The following SHQ1 variants were observed in gnomAD, a reference collection of about 807,000 sequenced individuals.
SHQ1 encodes the protein protein SHQ1 homolog.
Under a neutral mutation model 53.8 loss-of-function variants are expected in SHQ1, and 49 were observed. The observed-to-expected ratio is 0.91, with a 90% confidence interval of 0.72 to 1.16. The LOEUF is 1.16. Among genes scored for constraint, SHQ1 ranks in the 50% most tolerant of loss-of-function variants. The pLI is 0.00. For missense variants in SHQ1, 738 were observed against 683.1 expected (o/e 1.08, Z -0.90); for synonymous variants, 243 against 251.0 (o/e 0.97, Z 0.30).
At chr3:72,741,975 G>A in the SHQ1 span, among the ~76,000 whole-genome samples, 1 of 152,010 alleles carries the variant, frequency 6.6e-6, no homozygotes, top group Non-Finnish European at 1.5e-5. Context: ...TTTTATATAA[G>A]GGACTTGCAC....
chr3:72,841,073 A>T lies in SHQ1; in HGVS notation c.458T>A (p.Leu153Ter), dbSNP rs750531373. ...TAACCGTTGCAACACTCCTGATCGT[A>T]AGTTTCCAAATCCATAGTGGCACTG... Reference protein sequence around the residue: ...NPQCHYGFGNLRSGVLQRLQD... With the variant: ...NPQCHYGFGN Residue 153 changes from leucine to a stop codon, truncating the protein, a stop_gained, in exon 4 of 11, where the codon TTA becomes TAA. Transcript: ENST00000325599. LOFTEE classifies it high-confidence loss of function. 6.2e-7 allele frequency: 1 copy of T among 1,613,870 alleles called. No individual in the cohort carries two copies. The highest frequency in any genetic ancestry group is 1.1e-5 in the South Asian group (1 of 91,002).
intron 6 of SHQ1, among the ~76,000 whole-genome samples, chr3:72,817,794 C>A (rs1440817616): frequency 1.3e-5 from 2 of 151,930 alleles, no homozygotes; most frequent in African/African-American, 4.8e-5. Flanking sequence ...TAGGAATACT[C>A]CCAGATATTA....
At chr3:72,803,141 C>T (rs1486649108) in intron 9 of SHQ1, among the ~76,000 whole-genome samples, 2 of 152,158 alleles carry the variant, frequency 1.3e-5, no homozygotes, top group East Asian at 1.9e-4. Context: ...TGGGGGCCTC[C>T]CAGGCTGACC....
At chr3:72,827,163 T>A (rs976989544) in intron 5 of SHQ1, among the ~76,000 whole-genome samples, 1 of 152,130 alleles carries the variant, frequency 6.6e-6, no homozygotes, top group Admixed American at 6.5e-5. Context: ...GACAACAGTG[T>A]CCTTCGTTGA....
intron 1 of SHQ1, among the ~76,000 whole-genome samples, chr3:72,846,749 T>C (rs896487329): frequency 6.6e-6 from 1 of 152,210 alleles, no homozygotes; most frequent in Admixed American, 6.5e-5. Flanking sequence ...CTTTAACATA[T>C]GAATTTGGGG....
At chr3:72,825,398 AC>A (rs1398107511) in intron 5 of SHQ1, among the ~76,000 whole-genome samples, 8 of 148,706 alleles carry the variant, frequency 5.4e-5, no homozygotes, top group Admixed American at 1.3e-4. Flanking sequence ...ACACACACAC[AC>A]CATTTTTGGC....
rs1372925082 is a variant in SHQ1, at chr3:72,751,496, G to GTACATATATATATATATA, written c.1182-661_1182-660insTATATATATATATATGTA. ...CACATATGTGTGTGTGTGTGTGTGT[G>GTACATATATATATATATA]TGTGTGTGTGTGTATATATATATAT... is the stretch of plus-strand genomic sequence containing the variant. On this transcript the variant is annotated intron_variant, in intron 10 of 10. Coordinates refer to ENST00000325599, the MANE Select transcript of SHQ1 (RefSeq NM_018130.3). 4.8e-4 allele frequency among the ~76,000 whole-genome samples: 56 copies of GTACATATATATATATATA among 117,138 alleles called. 1 individual carries two copies. The highest frequency in any genetic ancestry group is 7.9e-4 in the Admixed American group (10 of 12,604). 76.8% of individuals were successfully genotyped at this position (117,138 alleles called of 152,430 possible). A position where few individuals can be genotyped will look rare whatever the true frequency, so the allele number is the denominator to read the frequency against.
At chr3:72,785,130 T>C (rs558048729) in intron 10 of SHQ1, among the ~76,000 whole-genome samples, 1 of 152,202 alleles carries the variant, frequency 6.6e-6, no homozygotes, top group Non-Finnish European at 1.5e-5. Context: ...CCATCCTCCA[T>C]GTGCAGTGAG....
chr3:72,847,158 G>T (rs1312089493), intron 1 of SHQ1, among the ~76,000 whole-genome samples: 1 of 152,054 alleles, frequency 6.6e-6, no homozygotes, highest in East Asian at 1.9e-4. Flanking sequence ...ATAAATTAAA[G>T]AAATAAGTGA....
intron 4 of SHQ1, among the ~76,000 whole-genome samples, chr3:72,838,152 T>C (rs571239892): frequency 3.6e-4 from 55 of 152,374 alleles, no homozygotes; most frequent in African/African-American, 1.1e-3. Context: ...CAGGAAATTT[T>C]TGAATACGTA....
intron 9 of SHQ1, among the ~76,000 whole-genome samples, chr3:72,804,335 T>C (rs1706874860): frequency 6.6e-6 from 1 of 152,166 alleles, no homozygotes; most frequent in East Asian, 1.9e-4. Context: ...CATGGTGGTT[T>C]ACTGCACAGA....
intron 9 of SHQ1, among the ~76,000 whole-genome samples, chr3:72,798,787 G>A (rs1214326202): frequency 2.0e-5 from 3 of 152,246 alleles, no homozygotes; most frequent in Non-Finnish European, 4.4e-5. Context: ...GATCAGGGTA[G>A]TGGATGTTTT....
At chr3:72,796,101 CAAAAAA>C (rs555086403) in intron 9 of SHQ1, among the ~76,000 whole-genome samples, 1 of 40,530 alleles carries the variant, frequency 2.5e-5, no homozygotes, top group South Asian at 1.2e-3. Context: ...GACTCCATCT[CAAAAAA>C]AAAAAAAAAA....
downstream of SHQ1, among the ~76,000 whole-genome samples, chr3:72,748,965 G>GCA (rs1553687832): frequency 3.2e-5 from 4 of 125,732 alleles, 1 homozygote; most frequent in African/African-American, 1.5e-4. Flanking sequence ...AAACACACAC[G>GCA]CACACGCACA....
intron 10 of SHQ1, among the ~76,000 whole-genome samples, chr3:72,778,002 T>C (rs1339276548): frequency 6.6e-6 from 1 of 152,080 alleles, no homozygotes; most frequent in Non-Finnish European, 1.5e-5. Context: ...AAAGCAAAGC[T>C]AAAAACTAAA....
chr3:72,807,172 C>G (rs1706978505), intron 9 of SHQ1, among the ~76,000 whole-genome samples: 1 of 152,192 alleles, frequency 6.6e-6, no homozygotes, highest in African/African-American at 2.4e-5. Flanking sequence ...GCAGAGGCTC[C>G]CACAGTAGGA....
intron 10 of SHQ1, chr3:72,753,332 A>C: frequency 1.0e-6 from 1 of 985,468 alleles, no homozygotes; most frequent in Non-Finnish European, 1.2e-6. Flanking sequence ...CAGGAAAATG[A>C]GGCTTCATTT....
intron 10 of SHQ1, among the ~76,000 whole-genome samples, chr3:72,776,028 A>C (rs1353914464): frequency 6.6e-6 from 1 of 152,256 alleles, no homozygotes; most frequent in Non-Finnish European, 1.5e-5. Context: ...AGGCCAGTGC[A>C]ATAAAATGAA....
chr3:72,733,596 TC>T, the SHQ1 span, among the ~76,000 whole-genome samples: 1 of 151,224 alleles, frequency 6.6e-6, no homozygotes, highest in Non-Finnish European at 1.5e-5. Context: ...CTTTATTCCC[TC>T]CCCCTTGAGA....
Sources: gnomAD v4.1 joint callset for allele counts (sites outside exome capture counted in the v4.1 genomes callset) on GRCh38, gnomAD v4.1.1 for gene constraint, MANE v1.5 for transcripts, NCBI Gene and HGNC (gene_info 2026-07-23, HGNC 2026-07-21) for gene names.